Variants in CCSER1 observed in about 807,000 individuals in gnomAD.
CCSER1 encodes the protein coiled-coil serine rich protein 1, also known as serine-rich coiled-coil domain-containing protein 1.
In CCSER1, 41 loss-of-function variants were observed where a neutral mutation model predicts 82.0. The ratio of observed to expected loss-of-function variants is 0.50; its 90% confidence interval spans 0.39 to 0.65. The LOEUF (loss-of-function observed/expected upper bound fraction) is 0.65. Ranked by LOEUF, CCSER1 falls within the 30% of genes least tolerant of loss-of-function variation. CCSER1 has a pLI of 0.00. For missense variants in CCSER1, 1,119 were observed against 1,064.2 expected, an observed-to-expected ratio of 1.05 and a Z score of -0.72; for synonymous variants, 414 against 383.9, an observed-to-expected ratio of 1.08 and a Z score of -0.92.
chr4:90,479,597 A>G (rs1274949260), intron 5 of CCSER1, among the ~76,000 whole-genome samples: 1 of 152,022 alleles, frequency 6.6e-6, no homozygotes, highest in Non-Finnish European at 1.5e-5. Flanking sequence ...TCATTGATCA[A>G]TTCCCACCTA....
chr4:90,147,284 ATTG>A (rs985134136), intron 1 of CCSER1, among the ~76,000 whole-genome samples: 8 of 152,088 alleles, frequency 5.3e-5, no homozygotes, highest in African/African-American at 1.9e-4. Flanking sequence ...TTTAATCCCC[ATTG>A]TTGTTTATAA....
At position 90,256,661 on chromosome 4, in the gene CCSER1, G is replaced by T. The variant is rs115835582; in HGVS notation, c.-41-51583G>T. On this transcript the variant is annotated intron_variant, in intron 1 of 10. Coordinates refer to ENST00000509176, the MANE Select transcript of CCSER1 (RefSeq NM_001145065.2). ...CAGAAAGATTCATTATAAGATATAAGTTTGCATAGTTCACCTTGAGATTGC... is the reference window on the plus strand; with the variant it reads ...CAGAAAGATTCATTATAAGATATAATTTTGCATAGTTCACCTTGAGATTGC... Among the ~76,000 whole-genome samples, 1,227 of 152,196 alleles carry T rather than the reference G, an allele frequency of 8.1e-3. 7 individuals are homozygous for T. Among genetic ancestry groups the T allele is most frequent in the African/African-American group, 0.014 (580 of 41,554 alleles).
intron 9 of CCSER1, among the ~76,000 whole-genome samples, chr4:91,001,625 T>C (rs1052382238): frequency 6.6e-6 from 1 of 152,172 alleles, no homozygotes; most frequent in African/African-American, 2.4e-5. Flanking sequence ...TCCACCCCTT[T>C]ACCTTAAATT....
chr4:90,517,395 T>C (rs1439765569), intron 5 of CCSER1, among the ~76,000 whole-genome samples: 1 of 152,154 alleles, frequency 6.6e-6, no homozygotes, highest in Non-Finnish European at 1.5e-5. Context: ...ATAGATTTTA[T>C]GAATAGCTTG....
intron 5 of CCSER1, among the ~76,000 whole-genome samples, chr4:90,596,116 C>T (rs908730044): frequency 1.3e-5 from 2 of 151,736 alleles, no homozygotes; most frequent in African/African-American, 2.4e-5. Context: ...TTTTGAATAT[C>T]GCTTAGGTAG....
At chr4:91,472,315 G>C (rs1359771392) in intron 10 of CCSER1, among the ~76,000 whole-genome samples, 2 of 152,122 alleles carry the variant, frequency 1.3e-5, no homozygotes, top group Non-Finnish European at 2.9e-5. Context: ...TCACTAAAAT[G>C]TCTTGGCTGG....
At chr4:91,223,346 A>G (rs116259394) in intron 10 of CCSER1, among the ~76,000 whole-genome samples, 2,152 of 152,260 alleles carry the variant, frequency 0.014, 23 homozygotes, top group Non-Finnish European at 0.021. Context: ...AAACATGTAG[A>G]CACTTTGAGC....
chr4:90,875,744 G>C (rs1767117481), intron 8 of CCSER1, among the ~76,000 whole-genome samples: 1 of 152,150 alleles, frequency 6.6e-6, no homozygotes. Flanking sequence ...TGTTTCAACA[G>C]CTTGACTAAG....
intron 1 of CCSER1, among the ~76,000 whole-genome samples, chr4:90,174,370 T>A (rs1380891866): frequency 1.3e-5 from 2 of 151,956 alleles, no homozygotes; most frequent in Admixed American, 6.6e-5. Flanking sequence ...CAGCAAAACA[T>A]GAACAAAATA....
At chr4:91,483,357 T>G (rs1034808729) in intron 10 of CCSER1, among the ~76,000 whole-genome samples, 3 of 152,070 alleles carry the variant, frequency 2.0e-5, no homozygotes, top group African/African-American at 7.2e-5. Flanking sequence ...ACTAGAAAAA[T>G]ATGTCCTCTC....
At chr4:90,186,515 A>G (rs1263808404) in intron 1 of CCSER1, among the ~76,000 whole-genome samples, 2 of 152,012 alleles carry the variant, frequency 1.3e-5, no homozygotes, top group African/African-American at 4.8e-5. Flanking sequence ...ATTAGAAACC[A>G]TAAATGAGTA....
intron 10 of CCSER1, among the ~76,000 whole-genome samples, chr4:91,466,950 A>G (rs1470809035): frequency 6.6e-6 from 1 of 152,218 alleles, no homozygotes; most frequent in Admixed American, 6.5e-5. Flanking sequence ...TATAGATTCA[A>G]TGCCATTGCC....
chr4:90,939,766 C>T (rs1312077531), intron 9 of CCSER1, among the ~76,000 whole-genome samples: 2 of 152,040 alleles, frequency 1.3e-5, no homozygotes, highest in Non-Finnish European at 2.9e-5. Context: ...GGGTGCAAAA[C>T]ATGGTATTAA....
Position 90,551,706 on chromosome 4 carries a change from C to CTATA in CCSER1, c.1725-76301_1725-76298dup, listed in dbSNP as rs1553940962. 3.2e-3 allele frequency among the ~76,000 whole-genome samples: 333 copies of CTATA among 104,210 alleles called. 3 individuals are homozygous for CTATA. Among genetic ancestry groups the CTATA allele is most frequent in the Admixed American group, 9.5e-3 (89 of 9,370 alleles). 68.4% of individuals were successfully genotyped at this position (104,210 alleles called of 152,430 possible). ...TCTCTCTCTCTCTCTCTCTCTCTCTCTATATATATATATATATATATGTAA... is the reference window on the plus strand; with the variant it reads ...TCTCTCTCTCTCTCTCTCTCTCTCTCTATATATATATATATATATATATATGTAA... On this transcript the variant is annotated intron_variant, in intron 5 of 10. Transcript: ENST00000509176.
intron 10 of CCSER1, among the ~76,000 whole-genome samples, chr4:91,353,322 C>T (rs974785401): frequency 5.3e-5 from 8 of 152,276 alleles, no homozygotes; most frequent in African/African-American, 7.2e-5. Flanking sequence ...GGGTCCGTGA[C>T]GGGCTGCATG....
At chr4:90,839,279 A>G (rs73834565) in intron 8 of CCSER1, among the ~76,000 whole-genome samples, 1,888 of 152,352 alleles carry the variant, frequency 0.012, 49 homozygotes, top group African/African-American at 0.043. Flanking sequence ...AGTTAATTCT[A>G]TCACACACTT....
chr4:90,925,733 C>T (rs561501006), intron 9 of CCSER1, among the ~76,000 whole-genome samples: 143 of 152,252 alleles, frequency 9.4e-4, no homozygotes, highest in African/African-American at 3.4e-3. Context: ...TGTTAATCCT[C>T]ATTAAATCTT....
chr4:91,152,246 T>A (rs1031319400), intron 10 of CCSER1, among the ~76,000 whole-genome samples: 1 of 152,166 alleles, frequency 6.6e-6, no homozygotes, highest in African/African-American at 2.4e-5. Context: ...CCTTGTCTCT[T>A]TTGATCTTTG....
chr4:90,646,572 G>C (rs985706529), intron 6 of CCSER1, among the ~76,000 whole-genome samples: 1 of 152,174 alleles, frequency 6.6e-6, no homozygotes, highest in African/African-American at 2.4e-5. Context: ...AAACCAGGAA[G>C]TATGTCTGCA....
Sources: allele counts gnomAD v4.1 joint callset (sites outside exome capture counted in the v4.1 genomes callset), GRCh38; gene constraint gnomAD v4.1.1; transcripts MANE v1.5; gene names NCBI Gene and HGNC (gene_info 2026-07-23, HGNC 2026-07-21).